The following VPS13A variants were observed in gnomAD, a reference collection of about 807,000 sequenced individuals.
VPS13A encodes the protein intermembrane lipid transfer protein VPS13A.
A neutral mutation model predicts 390.9 loss-of-function variants in VPS13A; 264 were observed. That is an observed-to-expected ratio of 0.68 (90% confidence interval 0.61 to 0.75). The LOEUF is 0.75. VPS13A is among the 30% of genes least tolerant of loss of function. The pLI is 0.00. For missense variants in VPS13A, 3,409 were observed against 3,733.9 expected (o/e 0.91, Z 2.27); for synonymous variants, 1,231 against 1,227.1 (o/e 1.00, Z -0.07).
At chr9:77,207,819 G>T (rs907742963) in intron 5 of VPS13A, among the ~76,000 whole-genome samples, 3 of 151,834 alleles carry the variant, frequency 2.0e-5, no homozygotes, top group African/African-American at 7.3e-5. Flanking sequence ...TGTTTGGTGG[G>T]GTTTCCAGTT....
intron 53 of VPS13A, among the ~76,000 whole-genome samples, chr9:77,352,583 TG>T (rs1283987724): frequency 6.6e-6 from 1 of 152,176 alleles, no homozygotes; most frequent in Admixed American, 6.5e-5. Flanking sequence ...TATATCATAG[TG>T]ATAGTTTGAA....
intron 1 of VPS13A, among the ~76,000 whole-genome samples, chr9:77,194,514 TC>T (rs1038975118): frequency 3.1e-4 from 47 of 152,228 alleles, no homozygotes; most frequent in African/African-American, 1.1e-3. Flanking sequence ...CTGCAGCCAT[TC>T]CCACACCAGG....
chr9:77,420,371 T>G lies in VPS13A; in HGVS notation c.*4365T>G. 6.6e-6 allele frequency: 1 copy of G among 152,196 alleles called. No homozygotes were observed. The allele number at this position is 152,196 out of a possible 1,614,324, so 9.4% of individuals were successfully genotyped here. A position where few individuals can be genotyped will look rare whatever the true frequency, so the allele number is the denominator to read the frequency against. ...CACTCATGTTTCTTTTATTGAAACCTTTTTCTACTTTATATTTCCTCTTTT... is the reference window on the plus strand; with the variant it reads ...CACTCATGTTTCTTTTATTGAAACCGTTTTCTACTTTATATTTCCTCTTTT... On this transcript the variant is annotated 3_prime_UTR_variant, in exon 72 of 72. Coordinates refer to ENST00000360280, the MANE Select transcript of VPS13A (RefSeq NM_033305.3).
At chr9:77,408,922 C>G (rs537706312) in intron 71 of VPS13A, among the ~76,000 whole-genome samples, 1 of 152,330 alleles carries the variant, frequency 6.6e-6, no homozygotes. Flanking sequence ...TTAAATGTCC[C>G]TGTCTGACAG....
rs1826604870 is a variant in VPS13A, at chr9:77,275,535, C to G, written c.2550C>G (p.Pro850=). 2 of 1,613,754 alleles carry G rather than the reference C, an allele frequency of 1.2e-6. No individual in the cohort carries two copies. The highest frequency in any genetic ancestry group is 8.5e-7 in the Non-Finnish European group (1 of 1,179,820). The part of the protein sequence containing the change: ...EEEFFDAPCS[P]LEEPLQFPTG... Reference sequence around the variant, plus strand: ...AATTTTTTGATGCACCATGTAGTCCCTTGGAAGAACCTCTTCAGTTTCCAA... The same window carrying G: ...AATTTTTTGATGCACCATGTAGTCCGTTGGAAGAACCTCTTCAGTTTCCAA... Residue 850 remains proline (P), a synonymous_variant, in exon 25 of 72, where the codon CCC becomes CCG. Coordinates refer to ENST00000360280, the MANE Select transcript of VPS13A (RefSeq NM_033305.3).
chr9:77,194,731 G>A (rs1238065975), intron 1 of VPS13A, among the ~76,000 whole-genome samples: 1 of 152,130 alleles, frequency 6.6e-6, no homozygotes, highest in East Asian at 1.9e-4. Context: ...GGTGCTAGGG[G>A]AGCTCCCTGT....
At chr9:77,210,150 C>G in intron 6 of VPS13A, among the ~76,000 whole-genome samples, 1 of 119,878 alleles carries the variant, frequency 8.3e-6, no homozygotes, top group Non-Finnish European at 1.7e-5. Flanking sequence ...TCCCTTCCTC[C>G]CCCCACCTCC....
intron 14 of VPS13A, among the ~76,000 whole-genome samples, 198 bp from the exon 15 acceptor site, chr9:77,226,268 A>G (rs1197214180): frequency 6.6e-6 from 1 of 152,142 alleles, no homozygotes; most frequent in African/African-American, 2.4e-5. Context: ...TTCTTATAAG[A>G]TGGTGGAAAA....
chr9:77,194,844 C>G (rs1824895917), intron 1 of VPS13A, among the ~76,000 whole-genome samples: 1 of 152,016 alleles, frequency 6.6e-6, no homozygotes, highest in African/African-American at 2.4e-5. Context: ...TGCTGGTCTT[C>G]TTGATGGCCT....
chr9:77,409,630 G>A (rs1274055794), intron 71 of VPS13A, among the ~76,000 whole-genome samples: 1 of 151,542 alleles, frequency 6.6e-6, no homozygotes, highest in Non-Finnish European at 1.5e-5. Context: ...GAAAACCAAG[G>A]CACGAGAACT....
rs771867568 is a variant in VPS13A, at chr9:77,177,778, C to T, written c.74C>T (p.Ser25Phe). 35 of 1,613,366 alleles carry T rather than the reference C, an allele frequency of 2.2e-5. No homozygotes were observed. The highest frequency in any genetic ancestry group is 6.7e-5 in the African/African-American group (5 of 74,888). ...GACTATGTGGTGGACTTGGACACGTCCCAGCTCTCTCTGGGCATCTGGAAA... is the reference window on the plus strand; with the variant it reads ...GACTATGTGGTGGACTTGGACACGTTCCAGCTCTCTCTGGGCATCTGGAAA... ...LGDYVVDLDT[S>F]QLSLGIWKGA... Residue 25 changes from serine (S) to phenylalanine (F), a missense_variant, in exon 1 of 72, where the codon TCC (serine) becomes TTC (phenylalanine). Ser to Phe is a radical substitution (Grantham distance 155). Coordinates refer to ENST00000360280, the MANE Select transcript of VPS13A (RefSeq NM_033305.3).
chr9:77,177,812 GGCC>G lies in VPS13A; in HGVS notation c.100+20_100+22del, dbSNP rs772386985. 5.6e-6 allele frequency: 9 copies of G among 1,604,854 alleles called. No individual in the cohort carries two copies. Among genetic ancestry groups the G allele is most frequent in the Admixed American group, 1.7e-5 (1 of 59,320 alleles). ...CTCTGGGCATCTGGAAAGGTAAGGA[GGCC>G]GCCGCCGCCGCTCCCCGGCCTCTCG... On this transcript the variant is annotated intron_variant, in intron 1 of 71. Transcript: ENST00000360280.
chr9:77,193,908 C>T (rs1824834383), intron 1 of VPS13A, among the ~76,000 whole-genome samples: 1 of 152,152 alleles, frequency 6.6e-6, no homozygotes. Flanking sequence ...TACCAAGGCT[C>T]AGCTCAGCAC....
At chr9:77,197,054 C>T (rs1454694010) in intron 1 of VPS13A, among the ~76,000 whole-genome samples, 2 of 152,006 alleles carry the variant, frequency 1.3e-5, no homozygotes, top group Non-Finnish European at 2.9e-5. Context: ...GAGGTAATAT[C>T]TTCTTGTGGT....
At chr9:77,268,087 C>A (rs939773823) in intron 23 of VPS13A, among the ~76,000 whole-genome samples, 1 of 152,240 alleles carries the variant, frequency 6.6e-6, no homozygotes, top group Non-Finnish European at 1.5e-5. Flanking sequence ...TGGATCTTAG[C>A]TTGCTGGGCT....
intron 47 of VPS13A, 69 bp downstream of exon 47, chr9:77,337,606 C>G: frequency 6.8e-7 from 1 of 1,466,132 alleles, no homozygotes; most frequent in Admixed American, 1.9e-5. Flanking sequence ...AGATTAAGAT[C>G]AATAAAAACT....
At chr9:77,258,810 G>A (rs574937975) in intron 22 of VPS13A, among the ~76,000 whole-genome samples, 76 of 150,118 alleles carry the variant, frequency 5.1e-4, no homozygotes, top group African/African-American at 1.8e-3. Context: ...ACTAAGAATT[G>A]ATTTTTTTTA....
intron 62 of VPS13A, among the ~76,000 whole-genome samples, chr9:77,368,594 T>C (rs1832573244): frequency 6.6e-6 from 1 of 152,144 alleles, no homozygotes; most frequent in African/African-American, 2.4e-5. Flanking sequence ...AGCTGTGGTA[T>C]GACAGATCAC....
intron 68 of VPS13A, among the ~76,000 whole-genome samples, chr9:77,394,284 C>G (rs915208315): frequency 3.3e-5 from 5 of 150,694 alleles, no homozygotes; most frequent in Admixed American, 2.7e-4. Context: ...CCAAGCTAGT[C>G]TTGAACTCTT....
Sources: gnomAD v4.1 joint callset for allele counts (sites outside exome capture counted in the v4.1 genomes callset) on GRCh38, gnomAD v4.1.1 for gene constraint, MANE v1.5 for transcripts, NCBI Gene and HGNC (gene_info 2026-07-23, HGNC 2026-07-21) for gene names.